Variants in DPH7 observed in about 807,000 individuals in gnomAD.
DPH7 encodes the protein diphthamide biosynthesis 7.
DPH7 carries 44 observed loss-of-function variants against 41.7 expected under a neutral mutation model. That is an observed-to-expected ratio of 1.05 (90% confidence interval 0.83 to 1.36). The LOEUF (loss-of-function observed/expected upper bound fraction) is 1.36. Ranked by LOEUF, DPH7 falls within the 40% of genes most tolerant of loss-of-function variation. The pLI, the probability that DPH7 is intolerant of heterozygous loss-of-function variation, is 0.00. For missense variants in DPH7, 629 were observed against 577.5 expected, an observed-to-expected ratio of 1.09 and a Z score of -0.91; for synonymous variants, 275 against 238.0, an observed-to-expected ratio of 1.16 and a Z score of -1.43.
chr9:137,574,878 T>C lies in DPH7; in HGVS notation c.376-35A>G, dbSNP rs531406563. ...AAGAAGAAACTCCATCAAAGGGAAG[T>C]AGCCGCCCCAGAACCCCCAAAAGAC... On this transcript the variant is annotated intron_variant, in intron 3 of 8. Coordinates refer to ENST00000277540, the MANE Select transcript of DPH7 (RefSeq NM_138778.5). 1.4e-5 allele frequency: 22 copies of C among 1,611,958 alleles called. 1 individual carries two copies. The South Asian group carries it at 2.3e-4, about 17-fold the overall frequency.
At chr9:137,576,033 T>C in intron 3 of DPH7, 47 bp downstream of exon 3, 1 of 1,612,260 alleles carries the variant, frequency 6.2e-7, no homozygotes, top group Non-Finnish European at 8.5e-7. Context: ...CCCAACCCTC[T>C]CTATTCAGGT....
chr9:137,574,722 T>TCAGG, intron 4 of DPH7, 30 bp downstream of exon 4: 1 of 1,606,204 alleles, frequency 6.2e-7, no homozygotes. Flanking sequence ...AGAGAAAGAC[T>TCAGG]CAGGACCCCT....
chr9:137,578,731 G>C lies in DPH7; in HGVS notation c.47C>G (p.Ala16Gly). The stretch of plus-strand genomic sequence containing the variant: ...CAGCGGGCACCACTCCACCGAGTCC[G>C]CGGTCAGCTCGGTGTCCACCGTTTG... ...ALQTVDTELT[A>G]DSVEWCPLQG... Residue 16 changes from alanine (A) to glycine (G), a missense_variant, in exon 1 of 9, where the codon GCG becomes GGG. Coordinates refer to ENST00000277540, the MANE Select transcript of DPH7 (RefSeq NM_138778.5). 1 of 1,530,224 alleles carries C rather than the reference G, an allele frequency of 6.5e-7. No individual in the cohort carries two copies. Among genetic ancestry groups the C allele is most frequent in the Non-Finnish European group, 8.8e-7 (1 of 1,139,828 alleles). The allele number at this position is 1,530,224 out of a possible 1,614,324, so 94.8% of individuals were successfully genotyped here. A position where few individuals can be genotyped will look rare whatever the true frequency, so the allele number is the denominator to read the frequency against.
At chr9:137,569,009 C>T (rs941019998) in intron 5 of DPH7, among the ~76,000 whole-genome samples, 4 of 152,054 alleles carry the variant, frequency 2.6e-5, no homozygotes, top group Non-Finnish European at 4.4e-5. Flanking sequence ...TCTTAAAGCA[C>T]TTGTTTAGGG....
At chr9:137,575,524 C>A in intron 3 of DPH7, 1 of 991,664 alleles carries the variant, frequency 1.0e-6, no homozygotes, top group Non-Finnish European at 1.2e-6. Context: ...TACACAGGCC[C>A]TCGGTTGGCC....
intron 8 of DPH7, among the ~76,000 whole-genome samples, chr9:137,559,985 C>T (rs761002096): frequency 1.3e-4 from 20 of 152,206 alleles, no homozygotes; most frequent in Non-Finnish European, 2.5e-4. Flanking sequence ...CTGGTCCCTG[C>T]ACTAAATTGC....
intron 1 of DPH7, among the ~76,000 whole-genome samples, chr9:137,578,301 A>C (rs1588957353): frequency 6.6e-6 from 1 of 152,082 alleles, no homozygotes; most frequent in Non-Finnish European, 1.5e-5. Flanking sequence ...AGTGGCTGGG[A>C]CTACAGGCGC....
rs59316886 is a variant in DPH7 at position 137,559,539 on chromosome 9, A to G, written c.950-3891T>C. ...CCGTCTCCCCGTGATGCTGTGCTTC[A>G]GTGGTCACGCTCCTTGTCCGCCTTC... On this transcript the variant is annotated intron_variant, in intron 8 of 8. Coordinates refer to ENST00000277540, the MANE Select transcript of DPH7 (RefSeq NM_138778.5). Among the ~76,000 whole-genome samples, 765 of 152,336 alleles carry G rather than the reference A, an allele frequency of 5.0e-3. 9 individuals carry two copies. The highest frequency in any genetic ancestry group is 0.018 in the African/African-American group (738 of 41,570).
At position 137,574,257 on chromosome 9, in the gene DPH7, C is replaced by T; in HGVS notation, c.591G>A (p.Glu197=). The change falls in exon 5 of 9, where the codon GAG becomes GAA. Residue 197 remains glutamate (E), a synonymous_variant. Transcript: ENST00000277540. The stretch of plus-strand genomic sequence containing the variant: ...AGTAATTGAAAGCAGCAATCCAGGC[C>T]TCGAATTGATGTGCCTGCCATGAGG... ...KVASWQAHQF[E]AWIAAFNYWH... is the part of the protein sequence containing the mutation. 1 of 1,614,148 alleles carries T rather than the reference C, an allele frequency of 6.2e-7. No homozygotes were observed. Among genetic ancestry groups the T allele is most frequent in the Non-Finnish European group, 8.5e-7 (1 of 1,180,036 alleles).
At chr9:137,561,455 G>A (rs1169771034) in intron 8 of DPH7, among the ~76,000 whole-genome samples, 1 of 150,976 alleles carries the variant, frequency 6.6e-6, no homozygotes, top group East Asian at 2.0e-4. Context: ...CAGGAGAATG[G>A]CGGCGTGAAC....
At chr9:137,571,337 C>A (rs567139423) in intron 5 of DPH7, among the ~76,000 whole-genome samples, 58 of 152,062 alleles carry the variant, frequency 3.8e-4, no homozygotes, top group African/African-American at 1.2e-3. Context: ...CAGGCGCCTG[C>A]CACCATGCCC....
chr9:137,571,663 C>T (rs1302932948), intron 5 of DPH7, among the ~76,000 whole-genome samples: 1 of 151,792 alleles, frequency 6.6e-6, no homozygotes, highest in Admixed American at 6.6e-5. Context: ...CGGCAGGTGC[C>T]TATAATCCCA....
intron 8 of DPH7, among the ~76,000 whole-genome samples, chr9:137,557,137 G>A (rs914791563): frequency 3.3e-5 from 5 of 152,088 alleles, no homozygotes; most frequent in East Asian, 1.9e-4. Context: ...TTGAACTCCC[G>A]GCTCAAGCAA....
chr9:137,571,341 C>T (rs1840400095), intron 5 of DPH7, among the ~76,000 whole-genome samples: 1 of 152,008 alleles, frequency 6.6e-6, no homozygotes, highest in African/African-American at 2.4e-5. Flanking sequence ...CGCCTGCCAC[C>T]ATGCCCGGCT....
At chr9:137,575,795 T>G in intron 3 of DPH7, 1 of 1,229,546 alleles carries the variant, frequency 8.1e-7, no homozygotes, top group Non-Finnish European at 1.0e-6. Flanking sequence ...CTAAGAATGC[T>G]TGCCCAGGCT....
chr9:137,578,024 G>A, intron 1 of DPH7: 1 of 985,222 alleles, frequency 1.0e-6, no homozygotes, highest in Non-Finnish European at 1.2e-6. Flanking sequence ...CTGCTCTCAA[G>A]ATTTTAAAGT....
Position 137,569,651 on chromosome 9 carries a change from A to G in DPH7, c.641-4497T>C, listed in dbSNP as rs532934269. 8.1e-5 allele frequency among the ~76,000 whole-genome samples: 10 copies of G among 122,986 alleles called. No homozygotes were observed. In the South Asian group the frequency reaches 2.8e-3, roughly 35 times the overall value. 80.7% of individuals were successfully genotyped at this position (122,986 alleles called of 152,430 possible). ...CCATCCATCCAACAATCCACCATCCATCCACCATCCACCACCCACGACCCA... is the reference window on the plus strand; with the variant it reads ...CCATCCATCCAACAATCCACCATCCGTCCACCATCCACCACCCACGACCCA... On this transcript the variant is annotated intron_variant, in intron 5 of 8. Coordinates refer to ENST00000277540, the MANE Select transcript of DPH7 (RefSeq NM_138778.5).
chr9:137,578,502 C>T lies in DPH7; in HGVS notation c.153+123G>A. ...TTTTAAAAAGATTCTAAACTGTTTCCAGCCTACCTCCTGGCCAAAGGGCCA... is the reference window on the plus strand; with the variant it reads ...TTTTAAAAAGATTCTAAACTGTTTCTAGCCTACCTCCTGGCCAAAGGGCCA... On this transcript the variant is annotated intron_variant, in intron 1 of 8. Coordinates refer to ENST00000277540, the MANE Select transcript of DPH7 (RefSeq NM_138778.5). 13 of 1,155,546 alleles carry T rather than the reference C, an allele frequency of 1.1e-5. No homozygotes were observed. In the Middle Eastern group the frequency reaches 9.2e-4, roughly 81 times the overall value. 71.6% of individuals were successfully genotyped at this position (1,155,546 alleles called of 1,614,324 possible).
chr9:137,569,923 A>G (rs928376513), intron 5 of DPH7, among the ~76,000 whole-genome samples: 1 of 133,702 alleles, frequency 7.5e-6, no homozygotes, highest in African/African-American at 2.9e-5. Flanking sequence ...CCACTCACCC[A>G]CTATCTATCC....
Sources: allele counts gnomAD v4.1 joint callset (sites outside exome capture counted in the v4.1 genomes callset), GRCh38; gene constraint gnomAD v4.1.1; transcripts MANE v1.5; gene names NCBI Gene and HGNC (gene_info 2026-07-23, HGNC 2026-07-21).